Variants in AKT3 observed in about 807,000 individuals in gnomAD.
AKT3 encodes the protein AKT serine/threonine kinase 3, also known as RAC-gamma serine/threonine-protein kinase.
In AKT3, 15 loss-of-function variants were observed where a neutral mutation model predicts 65.3. The ratio of observed to expected loss-of-function variants is 0.23; its 90% CI spans 0.15 to 0.35. The LOEUF (loss-of-function observed/expected upper bound fraction) is 0.35, where lower values mean the gene tolerates loss of function less well. Ranked by LOEUF, AKT3 falls within the 10% of genes least tolerant of loss-of-function variation. The pLI is 1.00. For synonymous variants in AKT3, 206 were observed against 183.8 expected (o/e 1.12, Z -0.98); for missense variants, 243 against 576.5 (o/e 0.42, Z 5.92).
chr1:243,631,981 G>T (rs1009620671), intron 6 of AKT3, among the ~76,000 whole-genome samples: 6 of 151,960 alleles, frequency 3.9e-5, no homozygotes, highest in African/African-American at 1.5e-4. Flanking sequence ...TTCCTCCACT[G>T]GAGTCTTGAA....
At chr1:243,780,982 T>C (rs1038787842) in intron 2 of AKT3, among the ~76,000 whole-genome samples, 3 of 152,068 alleles carry the variant, frequency 2.0e-5, no homozygotes, top group African/African-American at 7.2e-5. Flanking sequence ...TGTTTTAAAT[T>C]TGTTTTAATT....
intron 12 of AKT3, among the ~76,000 whole-genome samples, chr1:243,527,912 C>CTCTTA: frequency 9.6e-6 from 1 of 103,792 alleles, no homozygotes; most frequent in African/African-American, 4.5e-5. Flanking sequence ...CACACACACA[C>CTCTTA]ACACACACAC....
intron 12 of AKT3, among the ~76,000 whole-genome samples, chr1:243,543,487 GA>G (rs1444011403): frequency 6.6e-6 from 1 of 151,992 alleles, no homozygotes; most frequent in Admixed American, 6.6e-5. Context: ...CCTCCTAGAA[GA>G]GGGTGTCTAG....
At chr1:243,702,309 T>G (rs1572196996) in intron 2 of AKT3, among the ~76,000 whole-genome samples, 1 of 152,172 alleles carries the variant, frequency 6.6e-6, no homozygotes, top group South Asian at 2.1e-4. Context: ...ATCATTAAAA[T>G]GCTCCAGGCA....
intron 2 of AKT3, among the ~76,000 whole-genome samples, chr1:243,816,473 A>C (rs1297193494): frequency 6.6e-6 from 1 of 152,210 alleles, no homozygotes; most frequent in African/African-American, 2.4e-5. Context: ...TGTTTCTGAC[A>C]CTACCTTTAG....
intron 2 of AKT3, among the ~76,000 whole-genome samples, chr1:243,717,489 C>T (rs1328614996): frequency 6.6e-6 from 1 of 152,154 alleles, no homozygotes; most frequent in Non-Finnish European, 1.5e-5. Flanking sequence ...CTAGTTCCCA[C>T]ATGTCATTAG....
intron 12 of AKT3, among the ~76,000 whole-genome samples, chr1:243,533,153 G>C (rs1053885857): frequency 6.6e-6 from 1 of 151,828 alleles, no homozygotes; most frequent in South Asian, 2.1e-4. Context: ...ATTTATTTCC[G>C]TTGTAATCTT....
At chr1:243,774,100 A>G (rs773341029) in intron 2 of AKT3, among the ~76,000 whole-genome samples, 13 of 152,220 alleles carry the variant, frequency 8.5e-5, no homozygotes, top group Non-Finnish European at 1.9e-4. Context: ...AACTTTTCCT[A>G]CTTTGTAGTA....
At chr1:243,719,399 T>C (rs996386432) in intron 2 of AKT3, among the ~76,000 whole-genome samples, 2 of 152,220 alleles carry the variant, frequency 1.3e-5, no homozygotes, top group South Asian at 2.1e-4. Flanking sequence ...ACACCAAGTC[T>C]TCCTCCAACT....
intron 2 of AKT3, chr1:243,735,849 G>A (rs978926181): frequency 1.3e-5 from 2 of 152,014 alleles, no homozygotes; most frequent in Non-Finnish European, 2.9e-5. Context: ...AAATAGAATG[G>A]GAGAATGAAT....
intron 8 of AKT3, among the ~76,000 whole-genome samples, chr1:243,611,656 C>T (rs772404186): frequency 6.6e-6 from 1 of 150,618 alleles, no homozygotes; most frequent in Admixed American, 6.7e-5. Context: ...TACAATCCAG[C>T]CTGAATGACA....
chr1:243,686,647 A>ATTTTTTT, intron 3 of AKT3, among the ~76,000 whole-genome samples: 1 of 23,208 alleles, frequency 4.3e-5, no homozygotes, highest in South Asian at 1.3e-3. Flanking sequence ...ATATATATAT[A>ATTTTTTT]TATATTTTTT....
chr1:243,754,445 C>A (rs1156813779), intron 2 of AKT3, among the ~76,000 whole-genome samples: 2 of 152,164 alleles, frequency 1.3e-5, no homozygotes, highest in Non-Finnish European at 2.9e-5. Context: ...TAGAGACATT[C>A]TTGGTTACTG....
chr1:243,564,609 A>G (rs1674020090), intron 9 of AKT3, among the ~76,000 whole-genome samples: 1 of 152,148 alleles, frequency 6.6e-6, no homozygotes, highest in Non-Finnish European at 1.5e-5. Context: ...CACAATTAGA[A>G]ATAACAATGT....
intron 2 of AKT3, among the ~76,000 whole-genome samples, chr1:243,815,984 T>C (rs1029948551): frequency 2.6e-5 from 4 of 152,140 alleles, no homozygotes; most frequent in African/African-American, 9.7e-5. Flanking sequence ...TAAGGTTTTA[T>C]TATACAGTTT....
At chr1:243,673,781 A>C (rs1235302652) in intron 3 of AKT3, among the ~76,000 whole-genome samples, 1 of 151,984 alleles carries the variant, frequency 6.6e-6, no homozygotes, top group African/African-American at 2.4e-5. Context: ...GGCCCAGCTA[A>C]GTTTTGTATT....
intron 8 of AKT3, among the ~76,000 whole-genome samples, chr1:243,601,585 AAT>A (rs1162988067): frequency 4.6e-5 from 7 of 152,204 alleles, no homozygotes; most frequent in African/African-American, 1.7e-4. Context: ...GAAGATTAAA[AAT>A]ATATATTCAC....
chr1:243,583,176 A>G (rs1404053007), intron 8 of AKT3, among the ~76,000 whole-genome samples: 2 of 111,606 alleles, frequency 1.8e-5, no homozygotes, highest in Admixed American at 9.7e-5. Context: ...GTGTGTATAT[A>G]TATATATATA....
intron 2 of AKT3, among the ~76,000 whole-genome samples, chr1:243,752,652 CAG>C (rs1181372063): frequency 6.6e-6 from 1 of 152,098 alleles, no homozygotes; most frequent in Non-Finnish European, 1.5e-5. Context: ...TTTAAAATAA[CAG>C]AAACACTTTG....
Sources: allele counts gnomAD v4.1 joint callset (sites outside exome capture counted in the v4.1 genomes callset), GRCh38; gene constraint gnomAD v4.1.1; transcripts MANE v1.5; gene names NCBI Gene and HGNC (gene_info 2026-07-23, HGNC 2026-07-21).